CYP39A1: variants seen among roughly 807,000 people sequenced by gnomAD.
The protein encoded by CYP39A1 is 24-hydroxycholesterol 7-alpha-hydroxylase.
CYP39A1 carries 49 observed loss-of-function variants against 58.1 expected under a neutral mutation model. That is an observed-to-expected ratio of 0.84 (90% CI 0.67 to 1.07). The LOEUF (loss-of-function observed/expected upper bound fraction) is 1.07. Among genes scored for constraint, CYP39A1 ranks in the 50% least tolerant of loss-of-function variants. The pLI is 0.00. For missense variants in CYP39A1, 531 were observed against 539.4 expected, an observed-to-expected ratio of 0.98 and a Z score of 0.16; for synonymous variants, 209 against 187.6, an observed-to-expected ratio of 1.11 and a Z score of -0.93.
At chr6:46,639,043 TCTC>T (rs1776165932) in intron 3 of CYP39A1, among the ~76,000 whole-genome samples, 1 of 152,114 alleles carries the variant, frequency 6.6e-6, no homozygotes, top group Non-Finnish European at 1.5e-5. Flanking sequence ...AACACAAACA[TCTC>T]CTGGACTTTT....
chr6:46,560,489 C>T (rs1181501057), intron 10 of CYP39A1, among the ~76,000 whole-genome samples: 9 of 152,118 alleles, frequency 5.9e-5, no homozygotes, highest in African/African-American at 2.2e-4. Flanking sequence ...AAGGATACAG[C>T]TGTTGTTTAC....
intron 7 of CYP39A1, among the ~76,000 whole-genome samples, chr6:46,610,882 C>G (rs1315177223): frequency 6.6e-6 from 1 of 152,056 alleles, no homozygotes; most frequent in East Asian, 1.9e-4. Context: ...AGGTCCTGCC[C>G]CAGTCTGATT....
chr6:46,641,422 AT>A (rs1776329933), intron 2 of CYP39A1, among the ~76,000 whole-genome samples: 1 of 152,222 alleles, frequency 6.6e-6, no homozygotes, highest in Non-Finnish European at 1.5e-5. Flanking sequence ...ATGGCAAGAA[AT>A]GCACAAAAGG....
chr6:46,563,564 C>A (rs1038238082), intron 10 of CYP39A1, among the ~76,000 whole-genome samples: 4 of 152,018 alleles, frequency 2.6e-5, no homozygotes, highest in African/African-American at 4.8e-5. Flanking sequence ...GCTAGCAATG[C>A]ACATGGAGAG....
At chr6:46,628,167 G>A (rs759083312) in intron 6 of CYP39A1, among the ~76,000 whole-genome samples, 2 of 152,232 alleles carry the variant, frequency 1.3e-5, no homozygotes, top group Non-Finnish European at 2.9e-5. Context: ...TTTTGATGGA[G>A]TCTTCATACC....
chr6:46,605,314 GAC>G (rs1484375574), intron 7 of CYP39A1, among the ~76,000 whole-genome samples: 1 of 152,178 alleles, frequency 6.6e-6, no homozygotes, highest in African/African-American at 2.4e-5. Context: ...AGGTAAGGAA[GAC>G]AAAGCTGGGG....
At chr6:46,583,615 A>T (rs996677453) in intron 10 of CYP39A1, 1 of 983,804 alleles carries the variant, frequency 1.0e-6, no homozygotes, top group Non-Finnish European at 1.2e-6. Context: ...AAATCACCAG[A>T]CTTCTCCAGT....
intron 10 of CYP39A1, among the ~76,000 whole-genome samples, chr6:46,561,885 G>C (rs1196550881): frequency 6.6e-6 from 1 of 152,166 alleles, no homozygotes; most frequent in East Asian, 1.9e-4. Context: ...GGTTACCAAA[G>C]GCTGGGGTTA....
chr6:46,554,464 T>C (rs1239180791), intron 10 of CYP39A1, among the ~76,000 whole-genome samples: 1 of 152,198 alleles, frequency 6.6e-6, no homozygotes, highest in Admixed American at 6.5e-5. Flanking sequence ...ACTCCTTGTC[T>C]AAGAGTGCCC....
At chr6:46,604,015 T>C (rs765428055) in intron 7 of CYP39A1, among the ~76,000 whole-genome samples, 47 of 152,296 alleles carry the variant, frequency 3.1e-4, no homozygotes, top group Admixed American at 2.6e-3. Context: ...CCCTGTAAAA[T>C]ATGCTTATTT....
intron 7 of CYP39A1, among the ~76,000 whole-genome samples, chr6:46,608,584 T>C (rs1773988774): frequency 6.6e-6 from 1 of 152,146 alleles, no homozygotes; most frequent in Non-Finnish European, 1.5e-5. Context: ...CTGAAGTAGA[T>C]AATACCATTC....
chr6:46,619,030 A>G (rs1241830049), intron 7 of CYP39A1, among the ~76,000 whole-genome samples: 1 of 152,152 alleles, frequency 6.6e-6, no homozygotes, highest in African/African-American at 2.4e-5. Context: ...GGATTATTCA[A>G]ACTAGCTAAT....
intron 6 of CYP39A1, among the ~76,000 whole-genome samples, chr6:46,627,619 C>A (rs1427393642): frequency 1.3e-5 from 2 of 151,890 alleles, no homozygotes; most frequent in African/African-American, 4.8e-5. Context: ...AGGGTTTCAC[C>A]GTGTTAGCTA....
chr6:46,580,553 A>G (rs1216443740), intron 10 of CYP39A1, among the ~76,000 whole-genome samples: 2 of 152,206 alleles, frequency 1.3e-5, no homozygotes, highest in African/African-American at 4.8e-5. Context: ...GAAACTGTCA[A>G]CGGAGTAAAC....
intron 10 of CYP39A1, among the ~76,000 whole-genome samples, chr6:46,568,065 T>C (rs1771393063): frequency 6.6e-6 from 1 of 152,116 alleles, no homozygotes; most frequent in African/African-American, 2.4e-5. Context: ...TAGTTGGGTA[T>C]GACATAAATG....
At chr6:46,610,000 A>C (rs1221663030) in intron 7 of CYP39A1, among the ~76,000 whole-genome samples, 3 of 152,200 alleles carry the variant, frequency 2.0e-5, no homozygotes, top group African/African-American at 7.2e-5. Flanking sequence ...TGTGAAGTTA[A>C]ATGTCTTTTC....
At chr6:46,569,819 G>A (rs1090734) in intron 10 of CYP39A1, among the ~76,000 whole-genome samples, 9,046 of 151,880 alleles carry the variant, frequency 0.06, 635 homozygotes, top group African/African-American at 0.17. Context: ...TCAGGAATAT[G>A]GACCTGTAGT....
chr6:46,564,117 TC>T (rs879906284), intron 10 of CYP39A1, among the ~76,000 whole-genome samples: 1,600 of 113,946 alleles, frequency 0.014, 70 homozygotes, highest in Admixed American at 0.04. Flanking sequence ...TTTATTTTAT[TC>T]TATTTTATTC....
intron 7 of CYP39A1, among the ~76,000 whole-genome samples, chr6:46,611,015 G>C (rs1189056396): frequency 6.6e-6 from 1 of 152,170 alleles, no homozygotes; most frequent in African/African-American, 2.4e-5. Flanking sequence ...CAAATAATAA[G>C]CCTAGAGATT....
Sources: gnomAD v4.1 joint callset for allele counts (sites outside exome capture counted in the v4.1 genomes callset) on GRCh38, gnomAD v4.1.1 for gene constraint, MANE v1.5 for transcripts, NCBI Gene and HGNC (gene_info 2026-07-23, HGNC 2026-07-21) for gene names.